The following MLKL variants were observed in gnomAD, a reference collection of about 807,000 sequenced individuals.
The protein encoded by MLKL is mixed lineage kinase domain like pseudokinase.
In MLKL, 55 loss-of-function variants were observed where a neutral mutation model predicts 56.5. The observed-to-expected ratio is 0.97, with a 90% confidence interval of 0.78 to 1.22. MLKL has a LOEUF of 1.22. Among genes scored for constraint, MLKL ranks in the 50% most tolerant of loss-of-function variants. MLKL has a pLI of 0.00. For missense variants in MLKL, 694 were observed against 573.9 expected (o/e 1.21, Z -2.14); for synonymous variants, 251 against 208.3 (o/e 1.20, Z -1.76).
intron 7 of MLKL, chr16:74,678,297 G>GT (rs1288474994): frequency 6.5e-6 from 1 of 153,234 alleles, no homozygotes; most frequent in Non-Finnish European, 1.5e-5. Context: ...ATCCCCCATT[G>GT]TATGTTGTAG....
At chr16:74,674,842 C>G in intron 10 of MLKL, 118 bp downstream of exon 10, 2 of 1,240,646 alleles carry the variant, frequency 1.6e-6, no homozygotes. Context: ...ACTAAATGTT[C>G]CCCGGATAAA....
intron 6 of MLKL, among the ~76,000 whole-genome samples, chr16:74,679,667 T>C (rs1326647944): frequency 1.3e-5 from 2 of 152,008 alleles, no homozygotes; most frequent in African/African-American, 4.8e-5. Context: ...TACAAAAAAA[T>C]AGCTGGGCGT....
intron 4 of MLKL, among the ~76,000 whole-genome samples, chr16:74,686,272 G>A (rs1960320618): frequency 6.6e-6 from 1 of 151,376 alleles, no homozygotes; most frequent in Non-Finnish European, 1.5e-5. Context: ...CGTGGTGTGT[G>A]TCTTTGATGA....
chr16:74,691,338 C>T lies in MLKL; in HGVS notation c.661G>A (p.Glu221Lys). ...ATGGCCACTGGAGCTCTGTGGTATT[C>T]TCCTTTATAAAGTGTGCTGACTTCA... ...ENEVSTLYKG[E>K]YHRAPVAIKV... The change falls in exon 4 of 11, where the codon GAA (glutamate) becomes AAA (lysine). Residue 221 changes from glutamate (E) to lysine (K), a missense_variant. Coordinates refer to ENST00000308807, the MANE Select transcript of MLKL (RefSeq NM_152649.4). 1 of 1,613,706 alleles carries T rather than the reference C, an allele frequency of 6.2e-7. No individual in the cohort carries two copies. The highest frequency in any genetic ancestry group is 8.5e-7 in the Non-Finnish European group (1 of 1,179,862).
Position 74,691,490 on chromosome 16 carries a change from G to A in MLKL, c.536-27C>T, listed in dbSNP as rs200338403. ...TGACCTCACCCCCGAGAGGAAAGAA[G>A]ACAAAAGAGTCAATGAGCAGAGGAA... is the stretch of plus-strand genomic sequence containing the variant. On this transcript the variant is annotated intron_variant, in intron 3 of 10. Coordinates refer to ENST00000308807, the MANE Select transcript of MLKL (RefSeq NM_152649.4). 6.6e-4 allele frequency: 1,054 copies of A among 1,597,898 alleles called. 3 individuals carry two copies. Among genetic ancestry groups the A allele is most frequent in the Non-Finnish European group, 7.6e-4 (896 of 1,175,200 alleles).
Position 74,672,527 on chromosome 16 carries a change from T to G in MLKL, c.1393A>C (p.Lys465Gln). 6.2e-7 allele frequency: 1 copy of G among 1,613,990 alleles called. No homozygotes were observed. The highest frequency in any genetic ancestry group is 1.1e-5 in the South Asian group (1 of 91,088). Residue 465 changes from lysine (K) to glutamine (Q), a missense_variant, in exon 11 of 11, where the codon AAA (lysine) becomes CAA (glutamine). Transcript: ENST00000308807. ...VRPSVDEILK[K>Q]LSTFSK ...CACTACTTAGAAAAGGTGGAGAGTTTCTTTAAGATTTCTGTGGATGAATGA... is the reference window on the plus strand; with the variant it reads ...CACTACTTAGAAAAGGTGGAGAGTTGCTTTAAGATTTCTGTGGATGAATGA...
rs1960968303 is a variant in MLKL, at chr16:74,695,420, G to A, written c.338C>T (p.Ser113Leu). ...GCGTTGCTCAACCTGAAGTAACAGC[G>A]AGAGCTCCTTCCAGACATCACTCAG... ...RKLSDVWKELSLLLQVEQRMP... is the reference protein window; with the variant it reads ...RKLSDVWKELLLLLQVEQRMP... The change falls in exon 2 of 11, where the codon TCG (serine) becomes TTG (leucine). Residue 113 changes from serine (S) to leucine (L), a missense_variant. By Grantham distance (145) the Ser-to-Leu change is moderately radical. Coordinates refer to ENST00000308807, the MANE Select transcript of MLKL (RefSeq NM_152649.4). 4 of 1,614,230 alleles carry A rather than the reference G, an allele frequency of 2.5e-6. No individual in the cohort carries two copies. Among genetic ancestry groups the A allele is most frequent in the East Asian group, 2.2e-5 (1 of 44,882 alleles).
At chr16:74,700,182 T>G (rs1447915693) in intron 1 of MLKL, among the ~76,000 whole-genome samples, 1 of 152,044 alleles carries the variant, frequency 6.6e-6, no homozygotes, top group Non-Finnish European at 1.5e-5. Context: ...ACCTGAAGAC[T>G]TCCTTTTTCT....
intron 4 of MLKL, among the ~76,000 whole-genome samples, chr16:74,690,962 A>G (rs1326696654): frequency 1.3e-5 from 2 of 152,098 alleles, no homozygotes; most frequent in Non-Finnish European, 2.9e-5. Context: ...GTATGCATAC[A>G]TTTTACAAGA....
intron 4 of MLKL, among the ~76,000 whole-genome samples, chr16:74,687,054 C>G (rs1213660637): frequency 3.3e-5 from 5 of 152,172 alleles, no homozygotes; most frequent in Admixed American, 2.0e-4. Context: ...CGGCTCACTG[C>G]AACCTCTGCC....
intron 6 of MLKL, among the ~76,000 whole-genome samples, chr16:74,679,788 C>A (rs1959825463): frequency 6.6e-6 from 1 of 151,994 alleles, no homozygotes; most frequent in Admixed American, 6.6e-5. Flanking sequence ...ATACTCCAGC[C>A]TGGGCAGCAA....
chr16:74,682,867 G>T lies in MLKL; in HGVS notation c.821-81C>A. ...TCTGCAGCCCACCTCTCCCAGCCTCGGTACAGATACAGACTTGGCTCTGCT... is the reference window on the plus strand; with the variant it reads ...TCTGCAGCCCACCTCTCCCAGCCTCTGTACAGATACAGACTTGGCTCTGCT... On this transcript the variant is annotated intron_variant, in intron 5 of 10. Coordinates refer to ENST00000308807, the MANE Select transcript of MLKL (RefSeq NM_152649.4). 4 of 1,521,760 alleles carry T rather than the reference G, an allele frequency of 2.6e-6. No homozygotes were observed. The South Asian group carries it at 4.9e-5, about 19-fold the overall frequency. The allele number at this position is 1,521,760 out of a possible 1,614,324, so 94.3% of individuals were successfully genotyped here.
At chr16:74,683,753 G>C (rs1400702075) in intron 5 of MLKL, among the ~76,000 whole-genome samples, 1 of 151,998 alleles carries the variant, frequency 6.6e-6, no homozygotes, top group Admixed American at 6.6e-5. Flanking sequence ...TGTTCACATG[G>C]GTGCTCACAA....
At chr16:74,689,487 C>A (rs1034696290) in intron 4 of MLKL, among the ~76,000 whole-genome samples, 2 of 152,064 alleles carry the variant, frequency 1.3e-5, no homozygotes, top group African/African-American at 4.8e-5. Flanking sequence ...AAATATATCT[C>A]AATAAAACTG....
At chr16:74,694,792 C>T (rs1487861367) in intron 2 of MLKL, among the ~76,000 whole-genome samples, 1 of 152,098 alleles carries the variant, frequency 6.6e-6, no homozygotes, top group East Asian at 1.9e-4. Context: ...AACTCCTCTT[C>T]AACGCTGGCT....
intron 6 of MLKL, 30 bp downstream of exon 6, chr16:74,682,621 C>T: frequency 6.2e-7 from 1 of 1,612,116 alleles, no homozygotes; most frequent in Non-Finnish European, 8.5e-7. Context: ...CCCATCCAAC[C>T]CTTAGTGGCG....
rs942752574 is a variant in MLKL, at chr16:74,695,827, A to C, written c.-2-68T>G. 20 of 1,380,522 alleles carry C rather than the reference A, an allele frequency of 1.4e-5. No individual in the cohort carries two copies. In the African/African-American group the frequency reaches 2.9e-4, roughly 20 times the overall value. 85.5% of individuals were successfully genotyped at this position (1,380,522 alleles called of 1,614,324 possible). ...TGCATATTCACTACTTGGCTAAGAA[A>C]GAATCAAAGCGGTCTGTGACTTAAA... On this transcript the variant is annotated intron_variant, in intron 1 of 10. Transcript: ENST00000308807.
intron 2 of MLKL, among the ~76,000 whole-genome samples, chr16:74,694,856 TTTTGTTTGTTTG>T (rs112051972): frequency 6.6e-6 from 1 of 150,810 alleles, no homozygotes; most frequent in Admixed American, 6.6e-5. Context: ...ATGTTAGGAG[TTTTGTTTGTTTG>T]TTTGTTTGTT....
chr16:74,693,470 A>AAAG (rs1555534199), intron 2 of MLKL, among the ~76,000 whole-genome samples: 49 of 20,520 alleles, frequency 2.4e-3, no homozygotes, highest in Non-Finnish European at 3.5e-3. Flanking sequence ...AAAAAAAAAG[A>AAAG]AAAGAAAAAA....
Sources: allele counts gnomAD v4.1 joint callset (sites outside exome capture counted in the v4.1 genomes callset), GRCh38; gene constraint gnomAD v4.1.1; transcripts MANE v1.5; gene names NCBI Gene and HGNC (gene_info 2026-07-23, HGNC 2026-07-21).